The following SCOC variants were observed in gnomAD, a reference collection of about 807,000 sequenced individuals.
SCOC encodes short coiled coil protein.
In SCOC, 7 loss-of-function variants were observed where a neutral mutation model predicts 9.9. The ratio of observed to expected loss-of-function variants is 0.71; its 90% CI spans 0.40 to 1.33. The LOEUF (loss-of-function observed/expected upper bound fraction) is 1.33, where lower values mean the gene tolerates loss of function less well. Among genes scored for constraint, SCOC ranks in the 40% most tolerant of loss-of-function variants. SCOC has a pLI of 0.01. For missense variants in SCOC, 66 were observed against 89.7 expected, an observed-to-expected ratio of 0.74 and a Z score of 1.07; for synonymous variants, 19 against 28.2, an observed-to-expected ratio of 0.67 and a Z score of 1.03.
intron 1 of SCOC, chr4:140,293,311 C>T (rs1393821718): frequency 4.4e-6 from 2 of 456,728 alleles, no homozygotes; most frequent in Admixed American, 2.3e-5. Context: ...AACCCAGTCG[C>T]AAAGGCTTAT....
At chr4:140,362,456 G>A (rs571312363) in intron 2 of SCOC, among the ~76,000 whole-genome samples, 25 of 149,262 alleles carry the variant, frequency 1.7e-4, no homozygotes, top group East Asian at 1.2e-3. Context: ...CACCATGCCC[G>A]GCTAATTTTT....
chr4:140,336,031 T>G (rs1732947458), intron 1 of SCOC, among the ~76,000 whole-genome samples: 1 of 152,184 alleles, frequency 6.6e-6, no homozygotes, highest in Non-Finnish European at 1.5e-5. Context: ...CCTCCTTTGA[T>G]GCAGGTGTAT....
chr4:140,345,403 A>G (rs1196527217), intron 2 of SCOC, among the ~76,000 whole-genome samples: 1 of 152,230 alleles, frequency 6.6e-6, no homozygotes, highest in Non-Finnish European at 1.5e-5. Context: ...TCAAAATGGT[A>G]AATGGAAATT....
chr4:140,278,060 A>G (rs994092378), intron 1 of SCOC, among the ~76,000 whole-genome samples: 14 of 152,250 alleles, frequency 9.2e-5, no homozygotes, highest in Non-Finnish European at 1.5e-4. Context: ...TGAACTAAGT[A>G]TAGTTGGCTA....
At chr4:140,258,594 C>T (rs562404475) in intron 1 of SCOC, among the ~76,000 whole-genome samples, 1 of 152,256 alleles carries the variant, frequency 6.6e-6, no homozygotes, top group East Asian at 1.9e-4. Flanking sequence ...ACTTAAAGTT[C>T]CTTATTTACC....
chr4:140,347,799 C>A (rs534649582), intron 2 of SCOC, among the ~76,000 whole-genome samples: 11 of 152,108 alleles, frequency 7.2e-5, no homozygotes, highest in Non-Finnish European at 1.6e-4. Context: ...TTTAGTTTAT[C>A]AAGTTTTTCA....
At chr4:140,373,644 G>T (rs1347537968), upstream of SCOC, 23 of 1,551,456 alleles carry the variant, frequency 1.5e-5, no homozygotes, top group Non-Finnish European at 1.8e-5. Context: ...GGAGCTGCCG[G>T]GGTCAGTTGG....
chr4:140,294,271 G>T (rs2126440367), intron 1 of SCOC, among the ~76,000 whole-genome samples: 2 of 152,288 alleles, frequency 1.3e-5, no homozygotes, highest in South Asian at 4.1e-4. Flanking sequence ...ATAAGGTAGT[G>T]TCACTACCAA....
intron 1 of SCOC, among the ~76,000 whole-genome samples, chr4:140,263,581 C>T (rs746269032): frequency 1.3e-5 from 2 of 152,046 alleles, no homozygotes; most frequent in Non-Finnish European, 2.9e-5. Flanking sequence ...TCTGACAGAG[C>T]AAATGGAAGA....
At chr4:140,312,533 A>G (rs1305096631) in intron 1 of SCOC, among the ~76,000 whole-genome samples, 1 of 152,068 alleles carries the variant, frequency 6.6e-6, no homozygotes, top group Non-Finnish European at 1.5e-5. Flanking sequence ...GGCTCAAGTA[A>G]TTCTCCTACC....
intron 2 of SCOC, among the ~76,000 whole-genome samples, chr4:140,362,528 C>A (rs1470166466): frequency 2.6e-5 from 4 of 151,396 alleles, no homozygotes; most frequent in Non-Finnish European, 5.9e-5. Context: ...CTCCTGACCT[C>A]AAGTGATCTG....
intron 1 of SCOC, among the ~76,000 whole-genome samples, chr4:140,259,591 C>T (rs1163608502): frequency 6.6e-6 from 1 of 152,144 alleles, no homozygotes; most frequent in African/African-American, 2.4e-5. Flanking sequence ...GTAGTGTAGT[C>T]CCAGTTACTC....
At chr4:140,348,833 T>C (rs751476450) in intron 2 of SCOC, among the ~76,000 whole-genome samples, 4 of 152,196 alleles carry the variant, frequency 2.6e-5, no homozygotes, top group Admixed American at 2.0e-4. Flanking sequence ...CCACTAACAG[T>C]GTGCAAAGAT....
At chr4:140,374,250 A>G (rs1406781201) in intron 1 of SCOC, 2 of 443,274 alleles carry the variant, frequency 4.5e-6, no homozygotes, top group Non-Finnish European at 9.0e-6. Flanking sequence ...CTTCTCCCCC[A>G]GAGTCCTGCT....
chr4:140,278,439 A>G (rs1301173310), intron 1 of SCOC, among the ~76,000 whole-genome samples: 1 of 152,010 alleles, frequency 6.6e-6, no homozygotes, highest in Non-Finnish European at 1.5e-5. Context: ...AACTGGGACT[A>G]TGGGTGTCTG....
At position 140,373,713 on chromosome 4, in the gene SCOC, G is replaced by T; in HGVS notation, c.-55G>T. 1.2e-5 allele frequency: 19 copies of T among 1,547,122 alleles called. No homozygotes were observed. Among genetic ancestry groups the T allele is most frequent in the Non-Finnish European group, 1.6e-5 (18 of 1,146,802 alleles). On this transcript the variant is annotated 5_prime_UTR_variant, in exon 1 of 4. Transcript: ENST00000608372. Reference sequence around the variant, plus strand: ...CCCTCCTTCTCCCGGCGCCTCAAGCGGAAGGTGAGGGCCGTCCCGGGCAGC... The same window carrying T: ...CCCTCCTTCTCCCGGCGCCTCAAGCTGAAGGTGAGGGCCGTCCCGGGCAGC...
chr4:140,277,970 G>T (rs1731021606), intron 1 of SCOC, among the ~76,000 whole-genome samples: 1 of 152,250 alleles, frequency 6.6e-6, no homozygotes, highest in African/African-American at 2.4e-5. Flanking sequence ...TGCCATAGTG[G>T]ATTCTGGAAG....
In SCOC at chr4:140,384,469, A is replaced by T. The variant is rs1238524271; in HGVS notation, c.*3365A>T. On this transcript the variant is annotated 3_prime_UTR_variant, in exon 4 of 4. Transcript: ENST00000608372. The stretch of plus-strand genomic sequence containing the variant: ...GCTAAATGAGTTTAGAGATAATCCC[A>T]TCCTCAATAACTGATGATCGTCAAC... The T allele has an allele frequency of 6.6e-6, 1 of 152,144 alleles. No homozygotes were observed. The highest frequency in any genetic ancestry group is 1.9e-4 in the East Asian group (1 of 5,180). 9.4% of individuals were successfully genotyped at this position (152,144 alleles called of 1,614,324 possible).
chr4:140,311,013 G>C (rs866768259), intron 1 of SCOC, among the ~76,000 whole-genome samples: 2 of 152,186 alleles, frequency 1.3e-5, no homozygotes, highest in African/African-American at 4.8e-5. Flanking sequence ...AAAAACATTA[G>C]AGAGTCTGCC....
Sources: gnomAD v4.1 joint callset for allele counts (sites outside exome capture counted in the v4.1 genomes callset) on GRCh38, gnomAD v4.1.1 for gene constraint, MANE v1.5 for transcripts, NCBI Gene and HGNC (gene_info 2026-07-23, HGNC 2026-07-21) for gene names.